The following PPIC variants were observed in gnomAD, a reference collection of about 807,000 sequenced individuals.
PPIC encodes peptidylprolyl isomerase C.
In PPIC, 19 loss-of-function variants were observed where a neutral mutation model predicts 19.5. The ratio of observed to expected loss-of-function variants is 0.98; its 90% CI spans 0.68 to 1.43. The LOEUF is 1.43. Among genes scored for constraint, PPIC ranks in the 40% most tolerant of loss-of-function variants. PPIC has a pLI of 0.00. For synonymous variants in PPIC, 107 were observed against 101.2 expected (o/e 1.06, Z -0.34); for missense variants, 268 against 268.6 (o/e 1.00, Z 0.02).
At chr5:123,028,260 C>T (rs1190007842) in intron 3 of PPIC, among the ~76,000 whole-genome samples, 2 of 152,142 alleles carry the variant, frequency 1.3e-5, no homozygotes, top group Non-Finnish European at 1.5e-5. Context: ...CAGGTTAAAT[C>T]TTAAAAGTTC....
intron 1 of PPIC, among the ~76,000 whole-genome samples, chr5:123,030,885 C>G (rs990982638): frequency 6.6e-6 from 1 of 152,014 alleles, no homozygotes; most frequent in Non-Finnish European, 1.5e-5. Context: ...AAACATCATA[C>G]GAGACACTAG....
chr5:123,029,046 T>A (rs1762905438), intron 2 of PPIC, 178 bp from the exon 3 acceptor site: 9 of 813,346 alleles, frequency 1.1e-5, no homozygotes, highest in Non-Finnish European at 1.7e-5. Context: ...AAAATAAATA[T>A]GTTATGGAAG....
In PPIC at chr5:123,031,900, G is replaced by A. The variant is rs181687244; in HGVS notation, c.118-2482C>T. ...CAACCCCTGCCTCCCAGGTTCAAGT[G>A]ACTCTTGTGCCTCAGCCTCCAGAGT... On this transcript the variant is annotated intron_variant, in intron 1 of 4. Transcript: ENST00000306442. Among the ~76,000 whole-genome samples the A allele has an allele frequency of 4.3e-3, 648 of 152,304 alleles. 5 individuals carry two copies. The highest frequency in any genetic ancestry group is 0.015 in the African/African-American group (616 of 41,580).
chr5:123,029,166 T>C, intron 2 of PPIC, 139 bp downstream of exon 2: 1 of 1,484,316 alleles, frequency 6.7e-7, no homozygotes, highest in Non-Finnish European at 9.1e-7. Context: ...AAATAATACA[T>C]ATTTAATTGG....
At position 123,023,951 on chromosome 5, in the gene PPIC, AGTGGACG is replaced by A; in HGVS notation, c.556_562del (p.Arg186SerfsTer12). The A allele has an allele frequency of 6.2e-7, 1 of 1,614,124 alleles. No individual in the cohort carries two copies. The highest frequency in any genetic ancestry group is 1.7e-4 in the Middle Eastern group (1 of 6,060). On this transcript the variant is annotated frameshift_variant, in exon 5 of 5. Coordinates refer to ENST00000306442, the MANE Select transcript of PPIC (RefSeq NM_000943.5). LOFTEE classifies it high-confidence loss of function. ...ACTGTTGATGATCGAGCAGTTGGTG[AGTGGACG>A]GTCATGCCCATCAGTTGCTTGGAGC... is the stretch of plus-strand genomic sequence containing the variant.
intron 1 of PPIC, among the ~76,000 whole-genome samples, chr5:123,032,106 G>A (rs138860803): frequency 9.8e-5 from 15 of 152,296 alleles, no homozygotes; most frequent in African/African-American, 2.2e-4. Context: ...CAGGAGAGGC[G>A]TTTAAACAAA....
chr5:123,036,345 G>C lies in PPIC; in HGVS notation c.117+164C>G. 3 of 639,968 alleles carry C rather than the reference G, an allele frequency of 4.7e-6. No individual in the cohort carries two copies. Among genetic ancestry groups the C allele is most frequent in the South Asian group, 3.8e-5 (2 of 52,166 alleles). The allele number at this position is 639,968 out of a possible 1,614,324, so 39.6% of individuals were successfully genotyped here. A position where few individuals can be genotyped will look rare whatever the true frequency, so the allele number is the denominator to read the frequency against. On this transcript the variant is annotated intron_variant, in intron 1 of 4. Transcript: ENST00000306442. The surrounding 1 kb of genome is among the most constrained non-coding windows in gnomAD (Gnocchi z 4.5). ...TCTCCCCCGGAGCGCCGGCCTCCCA[G>C]CACGCGAGCAGCCCCCTCCCACCCA...
intron 3 of PPIC, chr5:123,028,385 G>A (rs549646913): frequency 7.1e-5 from 12 of 168,148 alleles, no homozygotes; most frequent in South Asian, 6.0e-4. Context: ...CATGAGGCCC[G>A]TCTTCCTCCT....
rs1762899282 is a variant in PPIC at position 123,028,761 on chromosome 5, T to C, written c.325+14A>G. ...GGTTTGGTAAATGGGAAAGGAAAAA[T>C]GCAAAGACGTTACCCCCAGTGCCAT... On this transcript the variant is annotated intron_variant, in intron 3 of 4. Transcript: ENST00000306442. 1.3e-6 allele frequency: 2 copies of C among 1,596,940 alleles called. No homozygotes were observed. The highest frequency in any genetic ancestry group is 2.7e-5 in the African/African-American group (2 of 74,392).
Position 123,023,719 on chromosome 5 carries a change from C to T in PPIC, c.*156G>A, listed in dbSNP as rs41471149. 0.021 allele frequency: 25,258 copies of T among 1,181,066 alleles called. 342 individuals carry two copies. Among genetic ancestry groups the T allele is most frequent in the South Asian group, 0.025 (985 of 40,080 alleles). The allele number at this position is 1,181,066 out of a possible 1,614,324, so 73.2% of individuals were successfully genotyped here. A position where few individuals can be genotyped will look rare whatever the true frequency, so the allele number is the denominator to read the frequency against. On this transcript the variant is annotated 3_prime_UTR_variant, in exon 5 of 5. Transcript: ENST00000306442. ...AAAGTTCAAGCAAACTAAAGGGTGA[C>T]GGTTTGATTTTTATAACTTTCCTGT... is the stretch of plus-strand genomic sequence containing the variant.
At position 123,036,339 on chromosome 5, in the gene PPIC, C is replaced by T. The variant is rs78974877; in HGVS notation, c.117+170G>A. ...CCAGGGTCTCCCCCGGAGCGCCGGC[C>T]TCCCAGCACGCGAGCAGCCCCCTCC... On this transcript the variant is annotated intron_variant, in intron 1 of 4. Coordinates refer to ENST00000306442, the MANE Select transcript of PPIC (RefSeq NM_000943.5). The surrounding 1 kb of genome is among the most constrained non-coding windows in gnomAD (Gnocchi z 4.5). 0.037 allele frequency: 22,906 copies of T among 627,128 alleles called. 639 individuals are homozygous for T. Among genetic ancestry groups the T allele is most frequent in the Non-Finnish European group, 0.039 (14,074 of 362,008 alleles). 38.8% of individuals were successfully genotyped at this position (627,128 alleles called of 1,614,324 possible). A position where few individuals can be genotyped will look rare whatever the true frequency, so the allele number is the denominator to read the frequency against.
chr5:123,034,533 T>C (rs1762979997), intron 1 of PPIC, among the ~76,000 whole-genome samples: 1 of 152,176 alleles, frequency 6.6e-6, no homozygotes, highest in Non-Finnish European at 1.5e-5. Context: ...AAAGATAGGA[T>C]ACTGAGCCCC....
rs755204093 is a variant in PPIC at position 123,028,834 on chromosome 5, C to A, written c.266G>T (p.Arg89Leu). 3.0e-5 allele frequency: 48 copies of A among 1,613,354 alleles called. 1 individual carries two copies. In the Admixed American group the frequency reaches 7.5e-4, roughly 25 times the overall value. ...TTGAATCATGAAATCCTTGATGACA[C>A]GATGAAACTTGCTTCCTTTATATCC... ...GYGYKGSKFHRVIKDFMIQGG... is the reference protein window; with the variant it reads ...GYGYKGSKFHLVIKDFMIQGG... The change falls in exon 3 of 5, where the codon CGT (arginine) becomes CTT (leucine). Residue 89 changes from arginine (R) to leucine (L), a missense_variant. By Grantham distance (102) the Arg-to-Leu change is moderately radical (BLOSUM62 -2). Coordinates refer to ENST00000306442, the MANE Select transcript of PPIC (RefSeq NM_000943.5).
rs1346901972 is a variant in PPIC, at chr5:123,036,093, T to G, written c.117+416A>C. 6.6e-6 allele frequency among the ~76,000 whole-genome samples: 1 copy of G among 151,726 alleles called. No homozygotes were observed. The highest frequency in any genetic ancestry group is 1.5e-5 in the Non-Finnish European group (1 of 67,884). The stretch of plus-strand genomic sequence containing the variant: ...CTGCAAGCCCTGGGCTCCGAGCGCC[T>G]CTCCTGTGCGGGTCCCGCCCCCCTC... On this transcript the variant is annotated intron_variant, in intron 1 of 4. Coordinates refer to ENST00000306442, the MANE Select transcript of PPIC (RefSeq NM_000943.5). The surrounding 1 kb of genome is among the most constrained non-coding windows in gnomAD (Gnocchi z 4.5).
At chr5:123,034,233 T>C (rs1405439635) in intron 1 of PPIC, among the ~76,000 whole-genome samples, 1 of 152,220 alleles carries the variant, frequency 6.6e-6, no homozygotes, top group African/African-American at 2.4e-5. Context: ...TCTTTACAAG[T>C]TCATGAAAAA....
In PPIC at chr5:123,028,795, G is replaced by A. The variant is rs747869804; in HGVS notation, c.305C>T (p.Thr102Ile). The A allele has an allele frequency of 6.2e-7, 1 of 1,613,364 alleles. No individual in the cohort carries two copies. The highest frequency in any genetic ancestry group is 1.3e-5 in the African/African-American group (1 of 74,908). Residue 102 changes from threonine to isoleucine, a missense_variant, in exon 3 of 5, where the codon ACC (threonine) becomes ATC (isoleucine). Coordinates refer to ENST00000306442, the MANE Select transcript of PPIC (RefSeq NM_000943.5). ...KDFMIQGGDI[T>I]TGDGTGGVSI... ...GTTACCCCCAGTGCCATCTCCAGTG[G>A]TGATGTCACCTCCTTGAATCATGAA...
In PPIC at chr5:123,036,520, C is replaced by T; in HGVS notation, c.106G>A (p.Val36Met). ...CCGCTCTCGGTCACCTTGGCCGTCA[C>T]CGAGGGGCCTCGCTTGCGGAAGCCC... ...AEGFRKRGPS[V>M]TAKVFFDVRI... The change falls in exon 1 of 5, where the codon GTG (valine) becomes ATG (methionine). Residue 36 changes from valine (V) to methionine (M), a missense_variant. Val to Met is a conservative substitution (Grantham distance 21). Coordinates refer to ENST00000306442, the MANE Select transcript of PPIC (RefSeq NM_000943.5). This position sits in a 1 kb window ranked among gnomAD's most constrained non-coding sequence, Gnocchi z 4.5. 6.2e-7 allele frequency: 1 copy of T among 1,606,938 alleles called. No homozygotes were observed. Among genetic ancestry groups the T allele is most frequent in the Non-Finnish European group, 8.5e-7 (1 of 1,178,004 alleles).
chr5:123,026,067 A>G (rs1246642753), intron 3 of PPIC, 99 bp from the exon 4 acceptor site: 5 of 1,047,816 alleles, frequency 4.8e-6, no homozygotes, highest in Non-Finnish European at 6.7e-6. Context: ...CTAGAACCCT[A>G]TAGGAGGTAG....
intron 3 of PPIC, among the ~76,000 whole-genome samples, chr5:123,026,339 C>T (rs1762853027): frequency 6.6e-6 from 1 of 152,144 alleles, no homozygotes; most frequent in South Asian, 2.1e-4. Context: ...ATCCTAGTGG[C>T]TGTGCACCTG....
Sources: allele counts gnomAD v4.1 joint callset (sites outside exome capture counted in the v4.1 genomes callset), GRCh38; gene constraint gnomAD v4.1.1; non-coding constraint Gnocchi (gnomAD v3.1); transcripts MANE v1.5; gene names NCBI Gene and HGNC (gene_info 2026-07-23, HGNC 2026-07-21).